The following TCF4 variants were observed in gnomAD, a reference collection of about 807,000 sequenced individuals.
The protein encoded by TCF4 is SL3-3 enhancer factor 2.
TCF4 carries 3 observed loss-of-function variants against 82.1 expected under a neutral mutation model. The ratio of observed to expected loss-of-function variants is 0.04; its 90% CI spans 0.02 to 0.09. TCF4 has a LOEUF of 0.09. Ranked by LOEUF, TCF4 falls within the 10% of genes least tolerant of loss-of-function variation. The pLI is 1.00. For synonymous variants in TCF4, 276 were observed against 309.6 expected (o/e 0.89, Z 1.14); for missense variants, 518 against 852.7 (o/e 0.61, Z 4.89).
chr18:55,562,863 GTAGA>G, intron 3 of TCF4, among the ~76,000 whole-genome samples: 1 of 152,166 alleles, frequency 6.6e-6, no homozygotes, highest in East Asian at 1.9e-4. Flanking sequence ...CCAGAGATAG[GTAGA>G]TAGACAGGCA....
At chr18:55,532,655 A>G (rs1370432081) in intron 3 of TCF4, among the ~76,000 whole-genome samples, 2 of 152,234 alleles carry the variant, frequency 1.3e-5, no homozygotes, top group African/African-American at 4.8e-5. Context: ...TCTAGCTTAA[A>G]GGATGGTCCC....
intron 6 of TCF4, among the ~76,000 whole-genome samples, chr18:55,370,880 G>A (rs1051292580): frequency 1.3e-5 from 2 of 152,148 alleles, no homozygotes; most frequent in African/African-American, 2.4e-5. Flanking sequence ...AGTGAAGTAG[G>A]TATGAGTTAA....
chr18:55,507,356 G>A (rs1353448149), intron 3 of TCF4, among the ~76,000 whole-genome samples: 2 of 152,202 alleles, frequency 1.3e-5, no homozygotes, highest in Non-Finnish European at 2.9e-5. Flanking sequence ...TATAGGCAGG[G>A]AGTGTCTGGA....
chr18:55,287,443 C>T (rs1204722972), intron 8 of TCF4, among the ~76,000 whole-genome samples: 2 of 152,202 alleles, frequency 1.3e-5, no homozygotes, highest in African/African-American at 4.8e-5. Context: ...TCTCATTCAC[C>T]AAATTTCCTT....
intron 8 of TCF4, chr18:55,321,525 A>AT: frequency 8.2e-7 from 1 of 1,214,068 alleles, no homozygotes; most frequent in Non-Finnish European, 1.2e-6. Flanking sequence ...AGATCTTAGG[A>AT]TTGGCAAATG....
Position 55,468,882 on chromosome 18 carries a change from C to CT in TCF4, c.146-4746_146-4745insA, listed in dbSNP as rs1568136177. Among the ~76,000 whole-genome samples the CT allele has an allele frequency of 2.5e-3, 24 of 9,590 alleles. 1 individual carries two copies. The highest frequency in any genetic ancestry group is 3.8e-3 in the Admixed American group (2 of 528). 6.3% of individuals were successfully genotyped at this position (9,590 alleles called of 152,430 possible). A position where few individuals can be genotyped will look rare whatever the true frequency, so the allele number is the denominator to read the frequency against. ...AGCTGCTGAATCTATTTAGTTCTCG[C>CT]CCCCCCCCCCCTTGTTCTATTGCCA... is the stretch of plus-strand genomic sequence containing the variant. On this transcript the variant is annotated intron_variant, in intron 3 of 19. Coordinates refer to ENST00000354452, the MANE Select transcript of TCF4 (RefSeq NM_001083962.2).
rs562923037 is a variant in TCF4 at position 55,302,386 on chromosome 18, T to G, written c.550-22730A>C. The G allele has an allele frequency of 1.9e-4, 293 of 1,534,710 alleles. 3 individuals are homozygous for G. The highest frequency in any genetic ancestry group is 1.6e-3 in the South Asian group (131 of 84,012). ...GGTGTCAAGTCAGGCAGGCTCAGGA[T>G]AGACCACTTTGGGGAGACTCTGACC... On this transcript the variant is annotated intron_variant, in intron 8 of 19. Coordinates refer to ENST00000354452, the MANE Select transcript of TCF4 (RefSeq NM_001083962.2).
chr18:55,536,860 T>C (rs1440404048), intron 3 of TCF4, among the ~76,000 whole-genome samples: 1 of 152,040 alleles, frequency 6.6e-6, no homozygotes, highest in East Asian at 1.9e-4. Flanking sequence ...TCTGGCCGGG[T>C]GTGGTGGCTC....
intron 3 of TCF4, among the ~76,000 whole-genome samples, chr18:55,562,671 A>AT (rs2097365312): frequency 6.6e-6 from 1 of 152,194 alleles, no homozygotes; most frequent in Admixed American, 6.5e-5. Context: ...CACATTTTCC[A>AT]TATCTATTTC....
intron 6 of TCF4, among the ~76,000 whole-genome samples, chr18:55,365,264 T>TAC (rs2086710894): frequency 6.9e-6 from 1 of 144,232 alleles, no homozygotes; most frequent in South Asian, 2.2e-4. Context: ...TATATATATA[T>TAC]ATACACACAC....
chr18:55,253,946 T>C (rs867091369), intron 15 of TCF4, among the ~76,000 whole-genome samples: 3 of 152,280 alleles, frequency 2.0e-5, no homozygotes, highest in Middle Eastern at 3.4e-3. Context: ...AACTTAAACA[T>C]GAATATTTAT....
intron 17 of TCF4, 146 bp downstream of exon 17, chr18:55,232,363 T>C (rs1252483604): frequency 7.2e-6 from 6 of 827,736 alleles, no homozygotes; most frequent in Non-Finnish European, 1.1e-5. Context: ...ACGATACTTT[T>C]AGTACTTCTA....
chr18:55,631,457 T>C, intron 1 of TCF4: 1 of 1,481,544 alleles, frequency 6.7e-7, no homozygotes, highest in Non-Finnish European at 9.1e-7. Context: ...AAGATGGTAC[T>C]GGTAGTCTGG....
intron 8 of TCF4, among the ~76,000 whole-genome samples, chr18:55,293,931 C>T (rs368740423): frequency 0.012 from 480 of 40,040 alleles, 8 homozygotes; most frequent in Admixed American, 0.023. Flanking sequence ...TTTCCAAGGA[C>T]TTTTTTTTTT....
intron 8 of TCF4, among the ~76,000 whole-genome samples, chr18:55,329,927 C>A (rs2077218436): frequency 6.6e-6 from 1 of 152,178 alleles, no homozygotes; most frequent in Admixed American, 6.5e-5. Flanking sequence ...ACAAACAGGT[C>A]AACTCTCACC....
intron 4 of TCF4, among the ~76,000 whole-genome samples, chr18:55,463,090 T>C (rs1274600735): frequency 1.3e-5 from 2 of 152,210 alleles, no homozygotes; most frequent in Non-Finnish European, 2.9e-5. Flanking sequence ...GCAGAATGCT[T>C]CATCTATATA....
At chr18:55,250,497 G>A (rs1166602961) in intron 15 of TCF4, among the ~76,000 whole-genome samples, 1 of 152,192 alleles carries the variant, frequency 6.6e-6, no homozygotes, top group Non-Finnish European at 1.5e-5. Context: ...TAGTAAAAAA[G>A]AGCATTGAAT....
chr18:55,622,729 T>A (rs1275086887), intron 2 of TCF4, among the ~76,000 whole-genome samples: 1 of 152,174 alleles, frequency 6.6e-6, no homozygotes, highest in Non-Finnish European at 1.5e-5. Flanking sequence ...CCAGATGCTC[T>A]TTCCACACAA....
chr18:55,430,556 G>A (rs2095157039), intron 5 of TCF4, among the ~76,000 whole-genome samples: 1 of 152,064 alleles, frequency 6.6e-6, no homozygotes, highest in South Asian at 2.1e-4. Context: ...ACTGAGCAAT[G>A]ACATTAAGGA....
Sources: allele counts gnomAD v4.1 joint callset (sites outside exome capture counted in the v4.1 genomes callset), GRCh38; gene constraint gnomAD v4.1.1; transcripts MANE v1.5; gene names NCBI Gene and HGNC (gene_info 2026-07-23, HGNC 2026-07-21).